Variants in CALCRL observed in about 807,000 individuals in gnomAD.
CALCRL encodes calcitonin gene-related peptide type 1 receptor.
In CALCRL, 27 loss-of-function variants were observed where a neutral mutation model predicts 60.4. The ratio of observed to expected loss-of-function variants is 0.45; its 90% CI spans 0.33 to 0.62. CALCRL has a LOEUF of 0.62. CALCRL is among the 20% of genes least tolerant of loss of function. The pLI, the probability that CALCRL is intolerant of heterozygous loss-of-function variation, is 0.03. For missense variants in CALCRL, 424 were observed against 540.7 expected (o/e 0.78, Z 2.14); for synonymous variants, 190 against 182.6 (o/e 1.04, Z -0.33).
At chr2:187,411,872 T>A (rs1210455256) in intron 1 of CALCRL, among the ~76,000 whole-genome samples, 2 of 149,826 alleles carry the variant, frequency 1.3e-5, no homozygotes, top group East Asian at 3.9e-4. Context: ...GGCGGGTGCC[T>A]GTAGTCACAG....
chr2:187,420,616 A>G (rs1689827977), intron 1 of CALCRL, among the ~76,000 whole-genome samples: 1 of 152,178 alleles, frequency 6.6e-6, no homozygotes, highest in South Asian at 2.1e-4. Context: ...TATAATATGA[A>G]TTTACATTTC....
At chr2:187,362,411 T>G (rs1368512672) in intron 9 of CALCRL, among the ~76,000 whole-genome samples, 3 of 152,072 alleles carry the variant, frequency 2.0e-5, no homozygotes, top group African/African-American at 7.2e-5. Context: ...GCAATCTGGA[T>G]GCACAGGTGC....
intron 1 of CALCRL, among the ~76,000 whole-genome samples, chr2:187,414,767 C>A (rs1194319131): frequency 6.6e-6 from 1 of 151,960 alleles, no homozygotes; most frequent in Non-Finnish European, 1.5e-5. Flanking sequence ...TGAAACTGGA[C>A]TAAGAAACAA....
chr2:187,437,308 C>T (rs754035429), intron 1 of CALCRL, among the ~76,000 whole-genome samples: 22 of 142,096 alleles, frequency 1.5e-4, no homozygotes, highest in African/African-American at 4.9e-4. Context: ...TTTGGGAGGC[C>T]GAGGCAGGCT....
intron 1 of CALCRL, among the ~76,000 whole-genome samples, chr2:187,416,234 A>G (rs529726133): frequency 2.0e-5 from 3 of 152,202 alleles, no homozygotes; most frequent in Admixed American, 2.0e-4. Flanking sequence ...TTATCTGTCA[A>G]TTAAAAATAA....
At chr2:187,402,378 C>T (rs1250308697) in intron 1 of CALCRL, among the ~76,000 whole-genome samples, 1 of 151,016 alleles carries the variant, frequency 6.6e-6, no homozygotes, top group Non-Finnish European at 1.5e-5. Flanking sequence ...TCTAATTGAT[C>T]AGCTGGAATG....
At chr2:187,409,023 A>G (rs1235338413) in intron 1 of CALCRL, among the ~76,000 whole-genome samples, 4 of 152,188 alleles carry the variant, frequency 2.6e-5, no homozygotes, top group Admixed American at 1.3e-4. Flanking sequence ...TCTTGGTTAG[A>G]AGTCTGAAGT....
At chr2:187,366,459 A>G (rs1035380448) in intron 8 of CALCRL, among the ~76,000 whole-genome samples, 1 of 152,008 alleles carries the variant, frequency 6.6e-6, no homozygotes. Flanking sequence ...GGGAAGATGG[A>G]TATGCTAATT....
intron 12 of CALCRL, among the ~76,000 whole-genome samples, chr2:187,355,420 G>T (rs1460409518): frequency 2.0e-5 from 3 of 152,046 alleles, no homozygotes; most frequent in Non-Finnish European, 4.4e-5. Flanking sequence ...CTACATTAAG[G>T]TATATCAAAA....
At chr2:187,414,953 T>C (rs1258832310) in intron 1 of CALCRL, among the ~76,000 whole-genome samples, 1 of 151,974 alleles carries the variant, frequency 6.6e-6, no homozygotes, top group Non-Finnish European at 1.5e-5. Context: ...AGAAAATGAA[T>C]TTCCCAGAAA....
chr2:187,346,382 T>C lies in CALCRL; in HGVS notation c.1188A>G (p.Arg396=), dbSNP rs1341852650. Residue 396 remains arginine, a synonymous_variant, in exon 15 of 15, where the codon AGA becomes AGG. Transcript: ENST00000392370. ...FFNGEVQAIL[R]RNWNQYKIQF... ...GGATTTTGTATTGATTCCAGTTTCT[T>C]CTCAGAATTGCTTGAACCTATCAAT... is the stretch of plus-strand genomic sequence containing the variant. 1 of 1,610,734 alleles carries C rather than the reference T, an allele frequency of 6.2e-7. No individual in the cohort carries two copies. Among genetic ancestry groups the C allele is most frequent in the Non-Finnish European group, 8.5e-7 (1 of 1,178,004 alleles).
At chr2:187,429,699 C>A (rs527743628) in intron 1 of CALCRL, among the ~76,000 whole-genome samples, 126 of 152,260 alleles carry the variant, frequency 8.3e-4, no homozygotes, top group African/African-American at 3.0e-3. Flanking sequence ...ACACCTTAAA[C>A]TGCACTATTA....
Position 187,371,758 on chromosome 2 carries a change from T to A in CALCRL, c.500+7182A>T, listed in dbSNP as rs373788536. The stretch of plus-strand genomic sequence containing the variant: ...TTTTTTTTTTTAAAGAAAAGATTAA[T>A]CGTGCACAATTTTCAGAGAAAAGTT... On this transcript the variant is annotated intron_variant, in intron 8 of 14. Coordinates refer to ENST00000392370, the MANE Select transcript of CALCRL (RefSeq NM_005795.6). Among the ~76,000 whole-genome samples, 5 of 151,806 alleles carry A rather than the reference T, an allele frequency of 3.3e-5. No homozygotes were observed. The East Asian group carries it at 5.8e-4, about 18-fold the overall frequency.
intron 1 of CALCRL, chr2:187,428,548 A>G (rs1690251004): frequency 6.6e-6 from 1 of 152,250 alleles, no homozygotes; most frequent in Non-Finnish European, 1.5e-5. Flanking sequence ...AAAATTTTAA[A>G]GAGATGATAA....
chr2:187,362,922 A>T (rs532834443), intron 9 of CALCRL, among the ~76,000 whole-genome samples: 1 of 152,092 alleles, frequency 6.6e-6, no homozygotes, highest in Admixed American at 6.6e-5. Context: ...AATTTATTTA[A>T]ATTTTCCATG....
At chr2:187,399,180 C>G (rs1171631734) in intron 1 of CALCRL, among the ~76,000 whole-genome samples, 1 of 151,462 alleles carries the variant, frequency 6.6e-6, no homozygotes, top group African/African-American at 2.4e-5. Context: ...AGATTGTTTT[C>G]TTTTTCACAA....
At chr2:187,368,315 C>T (rs2105748500) in intron 8 of CALCRL, among the ~76,000 whole-genome samples, 1 of 152,102 alleles carries the variant, frequency 6.6e-6, no homozygotes, top group Admixed American at 6.6e-5. Context: ...ACTAAAATAG[C>T]ATCCAGGTTT....
intron 12 of CALCRL, among the ~76,000 whole-genome samples, chr2:187,358,545 C>T (rs1359752337): frequency 6.6e-6 from 1 of 150,474 alleles, no homozygotes; most frequent in African/African-American, 2.5e-5. Context: ...GATTCATCCT[C>T]TATTCCTCTC....
At chr2:187,385,075 T>C (rs1439354352) in intron 4 of CALCRL, among the ~76,000 whole-genome samples, 1 of 152,170 alleles carries the variant, frequency 6.6e-6, no homozygotes, top group East Asian at 1.9e-4. Flanking sequence ...GTCTGCTAAT[T>C]TGAATGAATG....
Sources: gnomAD v4.1 joint callset for allele counts (sites outside exome capture counted in the v4.1 genomes callset) on GRCh38, gnomAD v4.1.1 for gene constraint, MANE v1.5 for transcripts, NCBI Gene and HGNC (gene_info 2026-07-23, HGNC 2026-07-21) for gene names.